TSHZ2: variants seen among roughly 807,000 people sequenced by gnomAD.
TSHZ2 encodes teashirt zinc finger homeobox 2, also known as teashirt homolog 2.
In TSHZ2, 21 loss-of-function variants were observed where a neutral mutation model predicts 74.4. That is an observed-to-expected ratio of 0.28 (90% confidence interval 0.20 to 0.41). The LOEUF (loss-of-function observed/expected upper bound fraction) is 0.41, where lower values mean the gene tolerates loss of function less well. TSHZ2 is among the 10% of genes least tolerant of loss of function. TSHZ2 has a pLI of 1.00. For synonymous variants in TSHZ2, 540 were observed against 515.3 expected (o/e 1.05, Z -0.65); for missense variants, 1,244 against 1,293.5 (o/e 0.96, Z 0.59).
At chr20:53,088,990 A>G (rs578175710) in intron 1 of TSHZ2, among the ~76,000 whole-genome samples, 187 of 152,286 alleles carry the variant, frequency 1.2e-3, no homozygotes, top group African/African-American at 4.4e-3. Flanking sequence ...GAGACTGCAC[A>G]TCATAGCAAC....
chr20:53,302,758 G>C (rs1978360395), intron 2 of TSHZ2, among the ~76,000 whole-genome samples: 1 of 152,172 alleles, frequency 6.6e-6, no homozygotes, highest in Non-Finnish European at 1.5e-5. Context: ...AGAAAGGCAA[G>C]CCTTCAAAAT....
At chr20:53,380,014 G>A (rs934266775) in intron 2 of TSHZ2, among the ~76,000 whole-genome samples, 1 of 152,148 alleles carries the variant, frequency 6.6e-6, no homozygotes, top group Non-Finnish European at 1.5e-5. Context: ...TTGTGAAACC[G>A]GTTCTCAAAA....
chr20:53,183,172 C>G (rs1988521696), intron 1 of TSHZ2, among the ~76,000 whole-genome samples: 1 of 152,218 alleles, frequency 6.6e-6, no homozygotes, highest in Non-Finnish European at 1.5e-5. Context: ...TTCTCCCAAC[C>G]CAACCATTCC....
At chr20:53,025,467 C>T (rs1983405110) in intron 1 of TSHZ2, among the ~76,000 whole-genome samples, 1 of 152,138 alleles carries the variant, frequency 6.6e-6, no homozygotes, top group Non-Finnish European at 1.5e-5. Context: ...GTCCATGTAT[C>T]CAGTTGCATA....
chr20:53,227,394 C>T (rs2123659435), intron 1 of TSHZ2, among the ~76,000 whole-genome samples: 1 of 151,818 alleles, frequency 6.6e-6, no homozygotes, highest in South Asian at 2.1e-4. Flanking sequence ...ATTCATTTGG[C>T]TGTGCTATAT....
chr20:53,420,888 C>A (rs1444287987), intron 2 of TSHZ2, among the ~76,000 whole-genome samples: 1 of 152,216 alleles, frequency 6.6e-6, no homozygotes, highest in Non-Finnish European at 1.5e-5. Flanking sequence ...GGAAGTCTTG[C>A]AGTAAAGTCT....
chr20:53,387,075 G>A (rs1003011495), intron 2 of TSHZ2, among the ~76,000 whole-genome samples: 5 of 152,052 alleles, frequency 3.3e-5, no homozygotes, highest in Non-Finnish European at 7.4e-5. Context: ...CTTCTCCCTG[G>A]CTCCTGACTT....
chr20:52,982,290 T>C (rs1260559479), intron 1 of TSHZ2, among the ~76,000 whole-genome samples: 1 of 152,206 alleles, frequency 6.6e-6, no homozygotes, highest in Non-Finnish European at 1.5e-5. Flanking sequence ...ATGCATTTAA[T>C]TTATTATGAT....
chr20:53,253,670 G>A lies in TSHZ2; in HGVS notation c.212G>A (p.Gly71Glu). 1 of 1,614,154 alleles carries A rather than the reference G, an allele frequency of 6.2e-7. No homozygotes were observed. Among genetic ancestry groups the A allele is most frequent in the Non-Finnish European group, 8.5e-7 (1 of 1,180,024 alleles). ...KGCFSYQNSP[G>E]SHLSNQDAEN... ...TGCTTCAGCTACCAGAACTCTCCAG[G>A]AAGTCATTTGTCCAATCAGGATGCC... Residue 71 changes from glycine (G) to glutamate (E), a missense_variant, in exon 2 of 3, where the codon GGA becomes GAA. By Grantham distance (98) the Gly-to-Glu change is moderately conservative (BLOSUM62 -2). Transcript: ENST00000371497.
chr20:53,053,713 G>A (rs567746841), intron 1 of TSHZ2, among the ~76,000 whole-genome samples: 24 of 152,216 alleles, frequency 1.6e-4, no homozygotes, highest in South Asian at 4.1e-4. Flanking sequence ...TGGAAATAGC[G>A]CATACATAAA....
chr20:52,975,464 T>G (rs1407805000), intron 1 of TSHZ2, among the ~76,000 whole-genome samples: 1 of 152,052 alleles, frequency 6.6e-6, no homozygotes, highest in East Asian at 1.9e-4. Flanking sequence ...TCAGGTCCTT[T>G]TCATTAAGCT....
intron 2 of TSHZ2, among the ~76,000 whole-genome samples, chr20:53,379,068 C>A (rs1342108323): frequency 6.6e-6 from 1 of 152,140 alleles, no homozygotes; most frequent in African/African-American, 2.4e-5. Flanking sequence ...TCTCACCTAG[C>A]ACAGTGCTTG....
chr20:53,300,007 C>A (rs1991451335), intron 2 of TSHZ2, among the ~76,000 whole-genome samples: 1 of 152,342 alleles, frequency 6.6e-6, no homozygotes. Context: ...TCAGCTAATT[C>A]CCTGCCAGGG....
intron 1 of TSHZ2, among the ~76,000 whole-genome samples, chr20:53,082,563 A>C (rs1568750780): frequency 6.6e-6 from 1 of 152,212 alleles, no homozygotes; most frequent in Non-Finnish European, 1.5e-5. Context: ...GCCAAAGTAC[A>C]TTATTTTTGG....
chr20:53,453,727 T>C (rs67312763), intron 2 of TSHZ2, among the ~76,000 whole-genome samples: 17,275 of 152,212 alleles, frequency 0.11, 1,271 homozygotes, highest in African/African-American at 0.21. Flanking sequence ...ATTTAGCCTC[T>C]TGTAGGAAAT....
chr20:53,164,538 C>T (rs569201613), intron 1 of TSHZ2, among the ~76,000 whole-genome samples: 16 of 152,258 alleles, frequency 1.1e-4, no homozygotes, highest in African/African-American at 3.6e-4. Flanking sequence ...TGGAAATACC[C>T]TCTATCTGTA....
At chr20:53,072,371 T>C (rs1985203505) in intron 1 of TSHZ2, among the ~76,000 whole-genome samples, 1 of 152,196 alleles carries the variant, frequency 6.6e-6, no homozygotes, top group Admixed American at 6.5e-5. Flanking sequence ...GCAATATCAA[T>C]TACCACTTGG....
At chr20:53,228,930 C>A (rs555279416) in intron 1 of TSHZ2, among the ~76,000 whole-genome samples, 1 of 152,180 alleles carries the variant, frequency 6.6e-6, no homozygotes, top group African/African-American at 2.4e-5. Flanking sequence ...TCTCAACAGG[C>A]GGGATGACCT....
intron 1 of TSHZ2, among the ~76,000 whole-genome samples, chr20:53,071,943 A>G (rs1172940461): frequency 6.6e-6 from 1 of 152,112 alleles, no homozygotes; most frequent in African/African-American, 2.4e-5. Context: ...GCATTTTGCA[A>G]TTTGCAGAGT....
Sources: allele counts gnomAD v4.1 joint callset (sites outside exome capture counted in the v4.1 genomes callset), GRCh38; gene constraint gnomAD v4.1.1; transcripts MANE v1.5; gene names NCBI Gene and HGNC (gene_info 2026-07-23, HGNC 2026-07-21).